The following CDH23 variants were observed in gnomAD, a reference collection of about 807,000 sequenced individuals.
CDH23 encodes cadherin-23.
Under a neutral mutation model 317.1 loss-of-function variants are expected in CDH23, and 189 were observed. The ratio of observed to expected loss-of-function variants is 0.60; its 90% CI spans 0.53 to 0.67. The LOEUF (loss-of-function observed/expected upper bound fraction) is 0.67. Ranked by LOEUF, CDH23 falls within the 30% of genes least tolerant of loss-of-function variation. CDH23 has a pLI of 0.00. For missense variants in CDH23, 4,401 were observed against 4,592.4 expected (o/e 0.96, Z 1.20); for synonymous variants, 1,839 against 1,876.8 (o/e 0.98, Z 0.52).
rs896651315 is a variant in CDH23 at position 71,761,050 on chromosome 10, C to T, written c.4846-16630C>T. On this transcript the variant is annotated intron_variant, in intron 38 of 69. Transcript: ENST00000224721. ...CTAGTGCCTACTCGGCAGTGTTGGC[C>T]CAGTGGCAGCCTGCACACGTGTGCA... 4.9e-5 allele frequency: 44 copies of T among 894,058 alleles called. No homozygotes were observed. The Middle Eastern group carries it at 9.6e-4, about 20-fold the overall frequency. The allele number at this position is 894,058 out of a possible 1,614,324, so 55.4% of individuals were successfully genotyped here.
chr10:71,714,693 T>A (rs1003946495), intron 28 of CDH23: 3 of 152,226 alleles, frequency 2.0e-5, no homozygotes, highest in African/African-American at 7.2e-5. Flanking sequence ...CCATTTGGCA[T>A]TAGGGAGCCA....
chr10:71,407,178 A>G (rs1848131832), intron 1 of CDH23, among the ~76,000 whole-genome samples: 1 of 152,246 alleles, frequency 6.6e-6, no homozygotes, highest in Non-Finnish European at 1.5e-5. Flanking sequence ...ACAGAAGGCC[A>G]GAGCCAAACC....
intron 26 of CDH23, among the ~76,000 whole-genome samples, chr10:71,708,170 G>A (rs1167340690): frequency 3.3e-5 from 5 of 152,132 alleles, no homozygotes; most frequent in African/African-American, 1.2e-4. Context: ...TCAGACACTG[G>A]GGAGCACTGG....
At chr10:71,482,477 T>C (rs866799823) in intron 3 of CDH23, among the ~76,000 whole-genome samples, 12 of 152,316 alleles carry the variant, frequency 7.9e-5, no homozygotes, top group South Asian at 2.1e-4. Flanking sequence ...TTCTTGACCC[T>C]TGGGAAGCCT....
chr10:71,414,980 C>T (rs916855245), intron 1 of CDH23, among the ~76,000 whole-genome samples: 1 of 152,230 alleles, frequency 6.6e-6, no homozygotes, highest in South Asian at 2.1e-4. Flanking sequence ...AAAGAATTGA[C>T]ATAAAGTTAT....
chr10:71,491,884 C>T (rs994724331), intron 3 of CDH23, among the ~76,000 whole-genome samples: 4 of 152,200 alleles, frequency 2.6e-5, no homozygotes, highest in Non-Finnish European at 5.9e-5. Context: ...GCGATTCCCA[C>T]TGGAACCAGA....
At chr10:71,653,921 G>A (rs1863296966) in intron 14 of CDH23, among the ~76,000 whole-genome samples, 1 of 152,178 alleles carries the variant, frequency 6.6e-6, no homozygotes, top group African/African-American at 2.4e-5. Context: ...GAACTTCAGA[G>A]AGCATTGGTA....
At position 71,738,661 on chromosome 10, in the gene CDH23, T is replaced by G. The variant is rs2132841812; in HGVS notation, c.4359+14T>G. On this transcript the variant is annotated intron_variant, in intron 35 of 69. Transcript: ENST00000224721. ...AGCAATGGGCAGGTGGGCCACCGAG[T>G]GAAACAGCCAGGATCCACCATGTCA... 6.2e-7 allele frequency: 1 copy of G among 1,610,052 alleles called. No homozygotes were observed.
intron 1 of CDH23, among the ~76,000 whole-genome samples, chr10:71,435,682 T>C (rs1447068951): frequency 6.6e-6 from 1 of 151,822 alleles, no homozygotes; most frequent in East Asian, 1.9e-4. Context: ...ACAGGATTGG[T>C]GGGAGCTCAG....
chr10:71,670,671 A>G (rs566688127), intron 14 of CDH23, among the ~76,000 whole-genome samples: 3 of 152,312 alleles, frequency 2.0e-5, no homozygotes, highest in Non-Finnish European at 4.4e-5. Flanking sequence ...ACTAAGCCCA[A>G]CCAGACTGTG....
chr10:71,567,028 G>T, intron 7 of CDH23, 92 bp downstream of exon 7: 2 of 1,145,780 alleles, frequency 1.7e-6, no homozygotes, highest in Non-Finnish European at 2.5e-6. Flanking sequence ...CATTGACCCA[G>T]TGGCACACAC....
intron 6 of CDH23, among the ~76,000 whole-genome samples, chr10:71,532,447 A>T (rs1344839162): frequency 6.6e-6 from 1 of 152,104 alleles, no homozygotes; most frequent in African/African-American, 2.4e-5. Context: ...TCAGGGGTGG[A>T]GGGGAGCTGG....
intron 3 of CDH23, among the ~76,000 whole-genome samples, chr10:71,470,385 A>T (rs1851450589): frequency 6.6e-6 from 1 of 152,230 alleles, no homozygotes; most frequent in Non-Finnish European, 1.5e-5. Context: ...CTGTTTCCAG[A>T]ACCAACTTAC....
intron 14 of CDH23, among the ~76,000 whole-genome samples, chr10:71,656,442 G>T (rs1863419952): frequency 6.6e-6 from 1 of 152,234 alleles, no homozygotes; most frequent in Admixed American, 6.5e-5. Flanking sequence ...GTGCCCTCCA[G>T]ATGCAAATCC....
chr10:71,449,241 T>C (rs939269424), intron 3 of CDH23, among the ~76,000 whole-genome samples: 2 of 152,158 alleles, frequency 1.3e-5, no homozygotes, highest in African/African-American at 4.8e-5. Context: ...TCAGTGCCAG[T>C]GGCAAGAGGC....
chr10:71,760,038 C>CACACAT (rs1564779706), intron 38 of CDH23, among the ~76,000 whole-genome samples: 1 of 23,030 alleles, frequency 4.3e-5, no homozygotes, highest in Non-Finnish European at 1.7e-4. Flanking sequence ...CACACACACA[C>CACACAT]ATATATACAC....
chr10:71,653,016 C>T (rs779196086), intron 14 of CDH23, among the ~76,000 whole-genome samples: 52 of 152,268 alleles, frequency 3.4e-4, no homozygotes, highest in Non-Finnish European at 6.6e-4. Flanking sequence ...CACCCACCCA[C>T]TGGCCTCTAG....
intron 41 of CDH23, among the ~76,000 whole-genome samples, chr10:71,781,854 G>T (rs1177469569): frequency 6.6e-6 from 1 of 152,166 alleles, no homozygotes; most frequent in Non-Finnish European, 1.5e-5. Flanking sequence ...ATCAATGAAG[G>T]CCCAGAGAGG....
intron 14 of CDH23, among the ~76,000 whole-genome samples, chr10:71,670,286 A>T (rs1359859497): frequency 6.6e-6 from 1 of 152,228 alleles, no homozygotes; most frequent in Non-Finnish European, 1.5e-5. Context: ...AAGGAAGGTT[A>T]TGCTGGCCCT....
Sources: gnomAD v4.1 joint callset for allele counts (sites outside exome capture counted in the v4.1 genomes callset) on GRCh38, gnomAD v4.1.1 for gene constraint, MANE v1.5 for transcripts, NCBI Gene and HGNC (gene_info 2026-07-23, HGNC 2026-07-21) for gene names.